F12: variants seen among roughly 807,000 people sequenced by gnomAD.
The protein encoded by F12 is Hageman factor.
A neutral mutation model predicts 74.8 loss-of-function variants in F12; 70 were observed. The observed-to-expected ratio is 0.94, with a 90% CI of 0.77 to 1.14. The LOEUF (loss-of-function observed/expected upper bound fraction) is 1.14, where lower values mean the gene tolerates loss of function less well. Among genes scored for constraint, F12 ranks in the 50% most tolerant of loss-of-function variants. The probability of loss-of-function intolerance (pLI) is 0.00; values close to 1 mark genes in which losing one functional copy is unlikely to be tolerated. For synonymous variants in F12, 373 were observed against 356.4 expected (o/e 1.05, Z -0.52); for missense variants, 811 against 835.7 (o/e 0.97, Z 0.36).
In F12 at chr5:177,409,363, C is replaced by G. The variant is rs1266933861; in HGVS notation, c.57+108G>C. 8 of 1,355,806 alleles carry G rather than the reference C, an allele frequency of 5.9e-6. No individual in the cohort carries two copies. In the East Asian group the frequency reaches 1.9e-4, roughly 33 times the overall value. 84.0% of individuals were successfully genotyped at this position (1,355,806 alleles called of 1,614,324 possible). A position where few individuals can be genotyped will look rare whatever the true frequency, so the allele number is the denominator to read the frequency against. ...GCTGGCCTCACCTTTCCACATAGGC[C>G]TCCTAGTCACCTGGACCCACAGGTC... On this transcript the variant is annotated intron_variant, in intron 1 of 13. Coordinates refer to ENST00000253496, the MANE Select transcript of F12 (RefSeq NM_000505.4).
At position 177,404,536 on chromosome 5, in the gene F12, C is replaced by A. The variant is rs757778469; in HGVS notation, c.763G>T (p.Ala255Ser). The change falls in exon 8 of 14, where the codon GCG (alanine) becomes TCG (serine). Residue 255 changes from alanine (A) to serine (S), a missense_variant. Transcript: ENST00000253496. ...ATYRNVTAEQ[A>S]RNWGLGGHAF... ...TGGCCGCCCAGTCCCCAGTTCCGCG[C>A]TTGCTCGGCAGTCACGTTCCGGTAG... 3 of 1,601,272 alleles carry A rather than the reference C, an allele frequency of 1.9e-6. No individual in the cohort carries two copies. In the African/African-American group the frequency reaches 4.0e-5, roughly 21 times the overall value.
intron 4 of F12, 65 bp from the exon 5 acceptor site, chr5:177,405,498 C>A (rs1173948808): frequency 8.6e-6 from 13 of 1,508,216 alleles, no homozygotes; most frequent in African/African-American, 2.7e-5. Flanking sequence ...GGCCAAGGCC[C>A]TTCTTGAACC....
intron 2 of F12, among the ~76,000 whole-genome samples, chr5:177,406,314 C>T (rs1470203035): frequency 4.6e-5 from 7 of 152,076 alleles, no homozygotes; most frequent in Non-Finnish European, 1.0e-4. Flanking sequence ...CAGTGAAACC[C>T]CCTCTCTACT....
intron 12 of F12, 97 bp from the exon 13 acceptor site, chr5:177,402,795 G>A: frequency 1.3e-6 from 2 of 1,525,662 alleles, no homozygotes; most frequent in Non-Finnish European, 1.8e-6. Context: ...ACCCACTCAT[G>A]CCCTTCCTCT....
At position 177,409,466 on chromosome 5, in the gene F12, C is replaced by G; in HGVS notation, c.57+5G>C. ...TGGGACAATCCTGGTTCCCACAGCACTCACCGAAAGTGTTGACTCCAAGCT... is the reference window on the plus strand; with the variant it reads ...TGGGACAATCCTGGTTCCCACAGCAGTCACCGAAAGTGTTGACTCCAAGCT... On this transcript the variant is annotated splice_donor_5th_base_variant and intron_variant, in intron 1 of 13. Transcript: ENST00000253496. 1 of 1,614,052 alleles carries G rather than the reference C, an allele frequency of 6.2e-7. No individual in the cohort carries two copies. Among genetic ancestry groups the G allele is most frequent in the Non-Finnish European group, 8.5e-7 (1 of 1,179,976 alleles).
rs765025832 is a variant in F12, at chr5:177,403,380, C to T, written c.1405G>A (p.Glu469Lys). Reference sequence around the variant, plus strand: ...AGCGCGCAGCTGCCGTCCGCATCCTCCTGAAGGCGCAACAGAGCTAACCCG... The same window carrying T: ...AGCGCGCAGCTGCCGTCCGCATCCTTCTGAAGGCGCAACAGAGCTAACCCG... ...QHDLALLRLQ[E>K]DADGSCALLS... is the part of the protein sequence containing the mutation. Residue 469 changes from glutamate (E) to lysine (K), a missense_variant, in exon 12 of 14, where the codon GAG (glutamate) becomes AAG (lysine). Coordinates refer to ENST00000253496, the MANE Select transcript of F12 (RefSeq NM_000505.4). The T allele has an allele frequency of 1.9e-6, 3 of 1,597,964 alleles. No homozygotes were observed. In the Admixed American group the frequency reaches 5.0e-5, roughly 27 times the overall value.
rs777617597 is a variant in F12 at position 177,402,697 on chromosome 5, C to T, written c.1533G>A (p.Gly511=). 3 of 1,611,432 alleles carry T rather than the reference C, an allele frequency of 1.9e-6. No individual in the cohort carries two copies. Among genetic ancestry groups the T allele is most frequent in the African/African-American group, 1.3e-5 (1 of 74,892 alleles). The change falls in exon 13 of 14, where the codon GGG becomes GGA. Residue 511 remains glycine, a splice_region_variant and synonymous_variant. Coordinates refer to ENST00000253496, the MANE Select transcript of F12 (RefSeq NM_000505.4). Reference sequence around the variant, plus strand: ...GCAGGAAGCTGGCATATTCCTCCGCCCCTGCGAACACAGAGCGCCTTCTTC... The same window carrying T: ...GCAGGAAGCTGGCATATTCCTCCGCTCCTGCGAACACAGAGCGCCTTCTTC... ...QVAGWGHQFE[G]AEEYASFLQE...
chr5:177,405,262 T>G, intron 5 of F12, 61 bp downstream of exon 5: 1 of 1,613,500 alleles, frequency 6.2e-7, no homozygotes, highest in Non-Finnish European at 8.5e-7. Flanking sequence ...CAACCTATTC[T>G]GTAGGCCCAG....
intron 7 of F12, 70 bp downstream of exon 7, chr5:177,404,740 C>G: frequency 6.3e-7 from 1 of 1,595,602 alleles, no homozygotes; most frequent in Non-Finnish European, 8.5e-7. Flanking sequence ...TCCGCACTCT[C>G]CCTCCTCCTT....
Position 177,402,527 on chromosome 5 carries a change from C to T in F12, c.1680+23G>A, listed in dbSNP as rs376343249. On this transcript the variant is annotated intron_variant, in intron 13 of 13. Coordinates refer to ENST00000253496, the MANE Select transcript of F12 (RefSeq NM_000505.4). ...TGTGCCTGACGGCCTCGGGGAAGGG[C>T]GCCAACCGGGCTAAGAGCTCACCTG... 138 of 1,605,302 alleles carry T rather than the reference C, an allele frequency of 8.6e-5. 1 individual carries two copies. The African/African-American group carries it at 1.7e-3, about 20-fold the overall frequency.
At position 177,403,490 on chromosome 5, in the gene F12, G is replaced by A; in HGVS notation, c.1378C>T (p.His460Tyr). 1 of 1,564,652 alleles carries A rather than the reference G, an allele frequency of 6.4e-7. No homozygotes were observed. Among genetic ancestry groups the A allele is most frequent in the Non-Finnish European group, 8.6e-7 (1 of 1,159,234 alleles). Residue 460 changes from histidine (H) to tyrosine (Y), a missense_variant, in exon 11 of 14, where the codon CAC becomes TAC. Transcript: ENST00000253496. ...GGGCGCCCCCACGCACCCAGGTCGT[G>A]CTGGTAGCTGACGGGCGAGAAGGCC... The part of the protein sequence containing the change: ...HEAFSPVSYQ[H>Y]DLALLRLQED...
intron 2 of F12, among the ~76,000 whole-genome samples, chr5:177,407,553 G>A (rs1763320411): frequency 6.6e-6 from 1 of 152,188 alleles, no homozygotes; most frequent in African/African-American, 2.4e-5. Context: ...GGGAGGCTAA[G>A]GTGGGCGGAC....
chr5:177,409,446 C>A (rs770245509), intron 1 of F12, 25 bp downstream of exon 1: 3 of 1,613,456 alleles, frequency 1.9e-6, no homozygotes, highest in Non-Finnish European at 1.7e-6. Flanking sequence ...AATCCTGGGA[C>A]AATCCTGGTT....
rs17876029 is a variant in F12, at chr5:177,404,979, T to C, written c.530-65A>G. ...GACCCCCCCAGAGAGCTCTCCTTCC[T>C]GGCACACCACCCGGCCTCCTGCCAG... On this transcript the variant is annotated intron_variant, in intron 6 of 13. Coordinates refer to ENST00000253496, the MANE Select transcript of F12 (RefSeq NM_000505.4). The C allele has an allele frequency of 0.98, 1,552,492 of 1,588,580 alleles. 759,476 individuals are homozygous for C. Among genetic ancestry groups the C allele is most frequent in the Non-Finnish European group, 0.99 (1,158,422 of 1,171,980 alleles).
Position 177,402,699 on chromosome 5 carries a change from C to T in F12, c.1532-1G>A. 4 of 1,611,492 alleles carry T rather than the reference C, an allele frequency of 2.5e-6. No individual in the cohort carries two copies. Among genetic ancestry groups the T allele is most frequent in the Non-Finnish European group, 3.4e-6 (4 of 1,179,996 alleles). On this transcript the variant is annotated splice_acceptor_variant, in intron 12 of 13. Transcript: ENST00000253496. LOFTEE classifies it high-confidence loss of function. Reference sequence around the variant, plus strand: ...AGGAAGCTGGCATATTCCTCCGCCCCTGCGAACACAGAGCGCCTTCTTCAC... The same window carrying T: ...AGGAAGCTGGCATATTCCTCCGCCCTTGCGAACACAGAGCGCCTTCTTCAC...
At position 177,403,617 on chromosome 5, in the gene F12, C is replaced by A. The variant is rs1461760967; in HGVS notation, c.1251G>T (p.Arg417=). ...CCACCGTCAGATCCTCGGGTGCGGG[C>A]CTGCGGGGGGGGTAGGGGAGAGGCA... The part of the protein sequence containing the change: ...VLTAAHCLQD[R]PAPEDLTVVL... Residue 417 remains arginine, a splice_region_variant and synonymous_variant, in exon 11 of 14, where the codon CGG becomes CGT. Coordinates refer to ENST00000253496, the MANE Select transcript of F12 (RefSeq NM_000505.4). The A allele has an allele frequency of 1.2e-6, 2 of 1,604,326 alleles. No individual in the cohort carries two copies. The highest frequency in any genetic ancestry group is 2.2e-5 in the East Asian group (1 of 44,790).
rs1303936808 is a variant in F12 at position 177,403,618 on chromosome 5, C to T, written c.1251-1G>A. ...CACCGTCAGATCCTCGGGTGCGGGC[C>T]TGCGGGGGGGGTAGGGGAGAGGCAG... is the stretch of plus-strand genomic sequence containing the variant. On this transcript the variant is annotated splice_acceptor_variant, in intron 10 of 13. Coordinates refer to ENST00000253496, the MANE Select transcript of F12 (RefSeq NM_000505.4). LOFTEE classifies it high-confidence loss of function. 2 of 1,604,246 alleles carry T rather than the reference C, an allele frequency of 1.2e-6. No homozygotes were observed. The highest frequency in any genetic ancestry group is 1.7e-6 in the Non-Finnish European group (2 of 1,179,258).
At chr5:177,406,493 A>G (rs1463462658) in intron 2 of F12, among the ~76,000 whole-genome samples, 1 of 139,248 alleles carries the variant, frequency 7.2e-6, no homozygotes, top group African/African-American at 2.9e-5. Flanking sequence ...CATCTTAAAG[A>G]AAAAAAAAAA....
chr5:177,402,469 A>G lies in F12; in HGVS notation c.1681-10T>C. 6.2e-7 allele frequency: 1 copy of G among 1,603,124 alleles called. No individual in the cohort carries two copies. Among genetic ancestry groups the G allele is most frequent in the South Asian group, 1.1e-5 (1 of 89,548 alleles). ...GGCCTCCGGAATCACCCTGGGTCGG[A>G]AACACGCAGCTCAGCGCTGTGGACC... On this transcript the variant is annotated splice_polypyrimidine_tract_variant and intron_variant, in intron 13 of 13. Transcript: ENST00000253496.
Sources: allele counts gnomAD v4.1 joint callset (sites outside exome capture counted in the v4.1 genomes callset), GRCh38; gene constraint gnomAD v4.1.1; transcripts MANE v1.5; gene names NCBI Gene and HGNC (gene_info 2026-07-23, HGNC 2026-07-21).